KANSL1: variants seen among roughly 807,000 people sequenced by gnomAD.
KANSL1 encodes KAT8 regulatory NSL complex subunit 1, also known as MLL1/MLL complex subunit KANSL1.
In KANSL1, 22 loss-of-function variants were observed where a neutral mutation model predicts 103.6. The observed-to-expected ratio is 0.21, with a 90% CI of 0.15 to 0.30. The LOEUF (loss-of-function observed/expected upper bound fraction) is 0.30. KANSL1 is among the 10% of genes least tolerant of loss of function. The pLI, the probability that KANSL1 is intolerant of heterozygous loss-of-function variation, is 1.00. For synonymous variants in KANSL1, 600 were observed against 527.6 expected, an observed-to-expected ratio of 1.14 and a Z score of -1.88; for missense variants, 1,337 against 1,399.8, an observed-to-expected ratio of 0.96 and a Z score of 0.72.
intron 6 of KANSL1, among the ~76,000 whole-genome samples, chr17:46,058,743 ACTCTCTCTCTCTCTCTCTCT>A (rs756932556): frequency 0.016 from 1,074 of 67,978 alleles, 18 homozygotes; most frequent in African/African-American, 0.046. Context: ...ACACACACAC[ACTCTCTCTCTCTCTCTCTCT>A]CTCTCTCTCT....
chr17:46,128,060 C>CCT (rs1443709374), intron 2 of KANSL1, among the ~76,000 whole-genome samples: 2 of 152,132 alleles, frequency 1.3e-5, no homozygotes, highest in Admixed American at 6.5e-5. Context: ...AAGTGATGCT[C>CCT]CTGCCTGGGC....
At chr17:46,130,299 A>G (rs118008815) in intron 2 of KANSL1, among the ~76,000 whole-genome samples, 3,386 of 151,842 alleles carry the variant, frequency 0.022, 46 homozygotes, top group Non-Finnish European at 0.033. Context: ...GGGTCCTGGG[A>G]TTTTCCCTTT....
At chr17:46,208,524 G>A (rs1454642417) in intron 1 of KANSL1, among the ~76,000 whole-genome samples, 2 of 151,138 alleles carry the variant, frequency 1.3e-5, no homozygotes, top group African/African-American at 4.9e-5. Context: ...GAGATGGGAG[G>A]ATTGCTTGAG....
chr17:46,038,339 C>T, intron 10 of KANSL1, 199 bp downstream of exon 10: 1 of 604,042 alleles, frequency 1.7e-6, no homozygotes. Context: ...TGAAAAACAA[C>T]TCAAGAAAAA....
chr17:46,195,107 CAT>C (rs1202275011), upstream of KANSL1, among the ~76,000 whole-genome samples: 2 of 152,252 alleles, frequency 1.3e-5, no homozygotes, highest in Non-Finnish European at 2.9e-5. Flanking sequence ...CACATACACA[CAT>C]AAATAGTAAT....
chr17:46,175,309 G>GT (rs2046465554), intron 1 of KANSL1, among the ~76,000 whole-genome samples: 1 of 127,802 alleles, frequency 7.8e-6, no homozygotes, highest in Non-Finnish European at 1.6e-5. Flanking sequence ...CTGTCTTATT[G>GT]CTGTGTGTGT....
chr17:46,155,012 A>G (rs2045338908), intron 2 of KANSL1, among the ~76,000 whole-genome samples: 1 of 152,184 alleles, frequency 6.6e-6, no homozygotes, highest in African/African-American at 2.4e-5. Context: ...AATGCTTACT[A>G]TACAATTAAA....
At chr17:46,137,230 T>C (rs567766318) in intron 2 of KANSL1, among the ~76,000 whole-genome samples, 27 of 152,368 alleles carry the variant, frequency 1.8e-4, no homozygotes, top group African/African-American at 6.3e-4. Flanking sequence ...ACTTATTCTC[T>C]ATTCATCCTC....
intron 1 of KANSL1, among the ~76,000 whole-genome samples, chr17:46,219,972 G>A (rs1459408561): frequency 2.6e-5 from 4 of 151,858 alleles, no homozygotes; most frequent in Admixed American, 6.6e-5. Context: ...GCGTGGTGGC[G>A]GGCGCCTGTG....
At chr17:46,147,017 G>T (rs1245560766) in intron 2 of KANSL1, among the ~76,000 whole-genome samples, 3 of 151,972 alleles carry the variant, frequency 2.0e-5, no homozygotes, top group Admixed American at 6.5e-5. Flanking sequence ...AACACAGTGA[G>T]ACTCCATCAC....
chr17:46,094,510 T>A lies in KANSL1; in HGVS notation c.1431+50A>T, dbSNP rs776298515. The A allele has an allele frequency of 1.9e-6, 3 of 1,586,176 alleles. No homozygotes were observed. The East Asian group carries it at 6.8e-5, about 36-fold the overall frequency. On this transcript the variant is annotated intron_variant, in intron 3 of 14. Transcript: ENST00000432791. ...GTGGGAGGGGATGTGAGAAAAGCGATATTGATAGTTTTCGGCAGCATTTAA... is the reference window on the plus strand; with the variant it reads ...GTGGGAGGGGATGTGAGAAAAGCGAAATTGATAGTTTTCGGCAGCATTTAA...
At chr17:46,141,342 A>G (rs1271680266) in intron 2 of KANSL1, among the ~76,000 whole-genome samples, 1 of 152,238 alleles carries the variant, frequency 6.6e-6, no homozygotes, top group Non-Finnish European at 1.5e-5. Context: ...ATCATTTCAC[A>G]GAACCCTAGA....
intron 2 of KANSL1, among the ~76,000 whole-genome samples, chr17:46,158,097 T>A (rs2045528186): frequency 6.6e-6 from 1 of 152,270 alleles, no homozygotes; most frequent in Non-Finnish European, 1.5e-5. Flanking sequence ...AGTATTCAAC[T>A]ATGCTAATTT....
chr17:46,130,480 T>C (rs1285664675), intron 2 of KANSL1, among the ~76,000 whole-genome samples: 1 of 152,246 alleles, frequency 6.6e-6, no homozygotes, highest in African/African-American at 2.4e-5. Context: ...GTGGGCATTT[T>C]GGAGCACAGA....
chr17:46,066,747 G>C lies in KANSL1; in HGVS notation c.1653-15C>G. The stretch of plus-strand genomic sequence containing the variant: ...CAGGCTGAAGACTATACAAGGGGAA[G>C]GAAGAGTATTCTCAGAACACACAAA... On this transcript the variant is annotated splice_polypyrimidine_tract_variant and intron_variant, in intron 5 of 14. Transcript: ENST00000432791. 6.3e-7 allele frequency: 1 copy of C among 1,585,582 alleles called. No homozygotes were observed. Among genetic ancestry groups the C allele is most frequent in the Non-Finnish European group, 8.6e-7 (1 of 1,158,848 alleles).
At chr17:46,042,944 G>A (rs145332303) in intron 7 of KANSL1, 1 of 152,286 alleles carries the variant, frequency 6.6e-6, no homozygotes, top group East Asian at 1.9e-4. Context: ...CTGTCCAAGT[G>A]TAAAAACACA....
intron 2 of KANSL1, among the ~76,000 whole-genome samples, chr17:46,130,187 C>CAA (rs35017603): frequency 0.038 from 2,841 of 75,306 alleles, 127 homozygotes; most frequent in African/African-American, 0.12. Context: ...ATCCTGTCTC[C>CAA]AAAAAAAAAA....
upstream of KANSL1, among the ~76,000 whole-genome samples, chr17:46,197,648 A>C (rs1341026676): frequency 6.6e-6 from 1 of 152,266 alleles, no homozygotes; most frequent in African/African-American, 2.4e-5. Flanking sequence ...GTCTCAAAAA[A>C]AGAACCAATA....
chr17:46,086,545 C>T (rs180947571), intron 3 of KANSL1, among the ~76,000 whole-genome samples: 34 of 152,304 alleles, frequency 2.2e-4, no homozygotes, highest in Admixed American at 1.5e-3. Flanking sequence ...GTGCTTATTA[C>T]GTTCTAATAC....
Sources: allele counts gnomAD v4.1 joint callset (sites outside exome capture counted in the v4.1 genomes callset), GRCh38; gene constraint gnomAD v4.1.1; transcripts MANE v1.5; gene names NCBI Gene and HGNC (gene_info 2026-07-23, HGNC 2026-07-21).